The following CSMD1 variants were observed in gnomAD, a reference collection of about 807,000 sequenced individuals.
The protein encoded by CSMD1 is CUB and sushi domain-containing protein 1.
In CSMD1, 213 loss-of-function variants were observed where a neutral mutation model predicts 417.5. That is an observed-to-expected ratio of 0.51 (90% CI 0.46 to 0.57). The LOEUF (loss-of-function observed/expected upper bound fraction) is 0.57, where lower values mean the gene tolerates loss of function less well. CSMD1 is among the 20% of genes least tolerant of loss of function. CSMD1 has a pLI of 0.00. For missense variants in CSMD1, 6,923 were observed against 4,529.7 expected, an observed-to-expected ratio of 1.53 and a Z score of -15.17; for synonymous variants, 2,862 against 1,736.8, an observed-to-expected ratio of 1.65 and a Z score of -16.11.
rs541989917 is a variant in CSMD1 at position 4,146,364 on chromosome 8, A to G, written c.416-114265T>C. 1.7e-4 allele frequency among the ~76,000 whole-genome samples: 26 copies of G among 150,636 alleles called. 2 individuals carry two copies. The highest frequency in any genetic ancestry group is 6.5e-4 in the African/African-American group (26 of 40,118). ...TCATTCTGATAAGCTTCAGCCCAAC[A>G]TCGACTTGCAGAGCTGGCAATTCGG... On this transcript the variant is annotated intron_variant, in intron 3 of 69. Transcript: ENST00000635120.
In CSMD1 at chr8:3,860,277, T is replaced by C. The variant is rs779642676; in HGVS notation, c.819-106235A>G. ...AGACCATTGTGAAGTTACTGAGAAC[T>C]CTGCCCTTGGGAAACGTCCATAAAA... On this transcript the variant is annotated intron_variant, in intron 5 of 69. Transcript: ENST00000635120. Among the ~76,000 whole-genome samples, 59 of 152,282 alleles carry C rather than the reference T, an allele frequency of 3.9e-4. 1 individual carries two copies. The highest frequency in any genetic ancestry group is 1.8e-3 in the Admixed American group (28 of 15,288).
rs112353328 is a variant in CSMD1 at position 3,535,683 on chromosome 8, A to T, written c.1344+39262T>A. 2.2e-3 allele frequency among the ~76,000 whole-genome samples: 337 copies of T among 152,348 alleles called. 1 individual carries two copies. The highest frequency in any genetic ancestry group is 7.7e-3 in the African/African-American group (320 of 41,582). On this transcript the variant is annotated intron_variant, in intron 10 of 69. Coordinates refer to ENST00000635120, the MANE Select transcript of CSMD1 (RefSeq NM_033225.6). The stretch of plus-strand genomic sequence containing the variant: ...CTACAAAATCTATGCATGTAACAAA[A>T]TTGCACTTGTACCCCTCATTGCTTT...
chr8:4,676,922 A>G (rs1047542374), intron 1 of CSMD1, among the ~76,000 whole-genome samples: 1 of 147,348 alleles, frequency 6.8e-6, no homozygotes, highest in Admixed American at 6.8e-5. Context: ...TTATATACAT[A>G]GAGAGAGATG....
chr8:4,384,300 TA>T (rs1300044581), intron 3 of CSMD1, among the ~76,000 whole-genome samples: 1 of 152,078 alleles, frequency 6.6e-6, no homozygotes, highest in Non-Finnish European at 1.5e-5. Context: ...TTAAGATCCA[TA>T]AAGGGCAGTT....
intron 12 of CSMD1, among the ~76,000 whole-genome samples, chr8:3,431,114 G>A (rs924926304): frequency 6.6e-6 from 1 of 152,084 alleles, no homozygotes; most frequent in Non-Finnish European, 1.5e-5. Context: ...GAGCCCATGA[G>A]AAAATGAATA....
chr8:4,859,624 G>C (rs1585224144), intron 1 of CSMD1, among the ~76,000 whole-genome samples: 1 of 152,070 alleles, frequency 6.6e-6, no homozygotes, highest in African/African-American at 2.4e-5. Flanking sequence ...CTTCTCAAAA[G>C]AAGACGTTTA....
chr8:3,644,085 G>T (rs944712301), intron 7 of CSMD1, among the ~76,000 whole-genome samples: 3 of 152,150 alleles, frequency 2.0e-5, no homozygotes, highest in African/African-American at 7.2e-5. Context: ...GTGCTCCAGG[G>T]CAGCCCTTCT....
At chr8:4,332,745 G>A (rs541985340) in intron 3 of CSMD1, among the ~76,000 whole-genome samples, 1 of 152,002 alleles carries the variant, frequency 6.6e-6, no homozygotes, top group Admixed American at 6.6e-5. Flanking sequence ...ACCATTCTTA[G>A]ACACATATGT....
At chr8:3,232,416 C>A (rs1195300643) in intron 26 of CSMD1, among the ~76,000 whole-genome samples, 3 of 152,210 alleles carry the variant, frequency 2.0e-5, no homozygotes, top group Middle Eastern at 3.2e-3. Flanking sequence ...AGGCATGATG[C>A]TCTGGTCTAC....
chr8:3,195,300 A>T (rs949202520), intron 33 of CSMD1, among the ~76,000 whole-genome samples: 3 of 152,152 alleles, frequency 2.0e-5, no homozygotes, highest in Non-Finnish European at 2.9e-5. Context: ...TTAAATCCAC[A>T]GGAGCCTCGG....
chr8:3,864,105 T>A (rs927079269), intron 5 of CSMD1, among the ~76,000 whole-genome samples: 1 of 152,090 alleles, frequency 6.6e-6, no homozygotes, highest in Non-Finnish European at 1.5e-5. Context: ...CACCTGATTT[T>A]TAAAGCTGTT....
At chr8:4,017,555 C>G (rs1796582802) in intron 4 of CSMD1, among the ~76,000 whole-genome samples, 2 of 152,172 alleles carry the variant, frequency 1.3e-5, no homozygotes, top group South Asian at 2.1e-4. Flanking sequence ...ATCCACCCAC[C>G]TTGGTCTCCC....
intron 1 of CSMD1, among the ~76,000 whole-genome samples, chr8:4,917,528 G>A (rs776760821): frequency 1.3e-5 from 2 of 152,176 alleles, no homozygotes; most frequent in Non-Finnish European, 2.9e-5. Context: ...CAGCTACTCG[G>A]GAAGCTGAAG....
intron 5 of CSMD1, among the ~76,000 whole-genome samples, chr8:3,756,083 G>T (rs189431608): frequency 6.6e-6 from 1 of 152,026 alleles, no homozygotes; most frequent in Non-Finnish European, 1.5e-5. Flanking sequence ...GTGGCCGGGC[G>T]CAGTGGCTCA....
chr8:3,166,258 T>C (rs1012648301), intron 37 of CSMD1, among the ~76,000 whole-genome samples: 1 of 152,108 alleles, frequency 6.6e-6, no homozygotes, highest in Non-Finnish European at 1.5e-5. Context: ...AGGCTGGGCA[T>C]GGTGACTCAT....
Position 4,758,234 on chromosome 8 carries a change from G to C in CSMD1, c.86-120676C>G, listed in dbSNP as rs185932860. On this transcript the variant is annotated intron_variant, in intron 1 of 69. Coordinates refer to ENST00000635120, the MANE Select transcript of CSMD1 (RefSeq NM_033225.6). ...GCTGTTCCTGTCTTTATCTGGGTAA[G>C]GAGGAAGCCCACCGACTATAATGAA... 1.4e-4 allele frequency among the ~76,000 whole-genome samples: 22 copies of C among 152,214 alleles called. No individual in the cohort carries two copies. The East Asian group carries it at 4.3e-3, about 29-fold the overall frequency.
At chr8:3,422,207 G>A (rs528063698) in intron 12 of CSMD1, among the ~76,000 whole-genome samples, 2 of 152,264 alleles carry the variant, frequency 1.3e-5, no homozygotes, top group South Asian at 4.1e-4. Flanking sequence ...CTCTCACCAT[G>A]AAGGGGCTGC....
intron 69 of CSMD1, among the ~76,000 whole-genome samples, chr8:2,938,950 G>C (rs968912716): frequency 6.6e-6 from 1 of 152,154 alleles, no homozygotes; most frequent in Non-Finnish European, 1.5e-5. Context: ...TTTAAAAAGT[G>C]AATCGATTTC....
At chr8:4,465,036 G>A (rs549318683) in intron 2 of CSMD1, among the ~76,000 whole-genome samples, 1 of 152,178 alleles carries the variant, frequency 6.6e-6, no homozygotes, top group Non-Finnish European at 1.5e-5. Flanking sequence ...TAGGAAAAAA[G>A]GGAAACACAA....
Sources: gnomAD v4.1 joint callset for allele counts (sites outside exome capture counted in the v4.1 genomes callset) on GRCh38, gnomAD v4.1.1 for gene constraint, MANE v1.5 for transcripts, NCBI Gene and HGNC (gene_info 2026-07-23, HGNC 2026-07-21) for gene names.